Variants in YBX2 observed in about 807,000 individuals in gnomAD.
The protein encoded by YBX2 is Y-box binding protein 2.
YBX2 carries 5 observed loss-of-function variants against 44.4 expected under a neutral mutation model. The observed-to-expected ratio is 0.11, with a 90% CI of 0.06 to 0.24. YBX2 has a LOEUF of 0.24. Among genes scored for constraint, YBX2 ranks in the 10% least tolerant of loss-of-function variants. The pLI is 1.00. For synonymous variants in YBX2, 188 were observed against 216.1 expected (o/e 0.87, Z 1.14); for missense variants, 417 against 526.9 (o/e 0.79, Z 2.04).
rs2072488962 is a variant in YBX2, at chr17:7,290,025, T to C, written c.791A>G (p.His264Arg). The C allele has an allele frequency of 6.2e-7, 1 of 1,614,090 alleles. No homozygotes were observed. Among genetic ancestry groups the C allele is most frequent in the Non-Finnish European group, 8.5e-7 (1 of 1,180,036 alleles). The change falls in exon 6 of 9, where the codon CAC (histidine) becomes CGC (arginine). Residue 264 changes from histidine to arginine, a missense_variant. Around this residue, in one of 3 missense-constraint regions of YBX2, gnomAD observed 257 missense variants for 261.7 expected, o/e 0.98. Transcript: ENST00000007699. The stretch of plus-strand genomic sequence containing the variant: ...GACTCGCTCATCTCCCTGCTGTTGG[T>C]GCCCCTCCAATGGGGCTGTCTCTTT... ...EPKETAPLEG[H>R]QQQGDERVPP...
intron 7 of YBX2, among the ~76,000 whole-genome samples, chr17:7,289,173 T>C (rs2072477759): frequency 6.6e-6 from 1 of 152,178 alleles, no homozygotes; most frequent in African/African-American, 2.4e-5. Flanking sequence ...AGACTTGTTC[T>C]TCAGGGCCCT....
Position 7,290,273 on chromosome 17 carries a change from G to C in YBX2, c.722C>G (p.Pro241Arg), listed in dbSNP as rs2072491173. ...RRRFVRGPRP[P>R]NQQQPIEGTD... ...CACCTCTATAGGCTGCTGCTGGTTG[G>C]GAGGCCGGGGGCCTCGCACAAACCG... Residue 241 changes from proline to arginine, a missense_variant, in exon 5 of 9, where the codon CCC becomes CGC. Coordinates refer to ENST00000007699, the MANE Select transcript of YBX2 (RefSeq NM_015982.4). The C allele has an allele frequency of 3.1e-6, 5 of 1,612,904 alleles. No homozygotes were observed. The South Asian group carries it at 5.5e-5, about 18-fold the overall frequency.
chr17:7,289,549 C>CGGGGGCCAGGGGCCTGCT lies in YBX2; in HGVS notation c.1007_1024dup (p.Gln336_Pro341dup), dbSNP rs533432910. The CGGGGGCCAGGGGCCTGCT allele has an allele frequency of 5.9e-4, 952 of 1,607,828 alleles. 3 individuals carry two copies. In the African/African-American group the frequency reaches 0.01, roughly 18 times the overall value. ...CCTCACCTCAGGGGCTGCGGGCTGC[C>CGGGGGCCAGGGGCCTGCT]GGGGGCCAGGGGCCTGCTGGGGGCC... On this transcript the variant is annotated inframe_insertion, in exon 7 of 9. Transcript: ENST00000007699.
chr17:7,288,888 C>G (rs1567603906), intron 7 of YBX2, 50 bp from the exon 8 acceptor site: 3 of 1,610,272 alleles, frequency 1.9e-6, no homozygotes, highest in East Asian at 4.5e-5. Flanking sequence ...GTTTTTGAGA[C>G]AGAGTCTCAC....
rs757547098 is a variant in YBX2 at position 7,288,830 on chromosome 17, G to C, written c.1053C>G (p.Ala351=). 2.5e-6 allele frequency: 4 copies of C among 1,613,754 alleles called. No homozygotes were observed. The highest frequency in any genetic ancestry group is 3.4e-6 in the Non-Finnish European group (4 of 1,179,858). The stretch of plus-strand genomic sequence containing the variant: ...TGGTGGGGTCCCCACTGTTGACAGG[G>C]GCTGAGGTCTAAAGAACAGCGGTGG... ...PRQPAAPETS[A]PVNSGDPTTT... is the part of the protein sequence containing the mutation. The change falls in exon 8 of 9, where the codon GCC becomes GCG. Residue 351 remains alanine, a synonymous_variant. Transcript: ENST00000007699.
Position 7,290,524 on chromosome 17 carries a change from G to A in YBX2, c.471C>T (p.Ala157=), listed in dbSNP as rs1232338356. The change falls in exon 5 of 9, where the codon GCC becomes GCT. Residue 157 remains alanine (A), a synonymous_variant. Transcript: ENST00000007699. Reference sequence around the variant, plus strand: ...CTCCCCCAGGCCCAGTTACATTAGTGGCTTCTGCGCCCTGGGAAGGTGGTA... The same window carrying A: ...CTCCCCCAGGCCCAGTTACATTAGTAGCTTCTGCGCCCTGGGAAGGTGGTA... ...DVVEGEKGAE[A]TNVTGPGGVP... is the part of the protein sequence containing the mutation. 1 of 1,611,866 alleles carries A rather than the reference G, an allele frequency of 6.2e-7. No individual in the cohort carries two copies. The highest frequency in any genetic ancestry group is 2.2e-5 in the East Asian group (1 of 44,796).
rs941201641 is a variant in YBX2, at chr17:7,288,917, C to T, written c.1045-79G>A. The T allele has an allele frequency of 6.4e-6, 10 of 1,561,570 alleles. No homozygotes were observed. The Admixed American group carries it at 1.0e-4, about 16-fold the overall frequency. On this transcript the variant is annotated intron_variant, in intron 7 of 8. Transcript: ENST00000007699. ...GTCTCACTCCAGGTTGGATGGAGTA[C>T]AGTGGCGTGATCTTGGCTCACTGCA...
In YBX2 at chr17:7,290,425, A is replaced by C; in HGVS notation, c.570T>G (p.Val190=). 6.2e-7 allele frequency: 1 copy of C among 1,613,854 alleles called. No individual in the cohort carries two copies. ...TCTCTGCCACCATGGGTGGTGGGGC[A>C]ACTGAGGGAGGCCGGGGGATGAATC... The part of the protein sequence containing the change: ...SRRFIPRPPS[V]APPPMVAEIP... The change falls in exon 5 of 9, where the codon GTT becomes GTG. Residue 190 remains valine (V), a synonymous_variant. Coordinates refer to ENST00000007699, the MANE Select transcript of YBX2 (RefSeq NM_015982.4).
chr17:7,293,891 G>C (rs2072519292), intron 1 of YBX2: 1 of 516,152 alleles, frequency 1.9e-6, no homozygotes, highest in African/African-American at 1.9e-5. Context: ...CCAATGCAAG[G>C]GTCCCCAGTG....
rs139586673 is a variant in YBX2, at chr17:7,290,949, A to C, written c.459+144T>G. On this transcript the variant is annotated intron_variant, in intron 4 of 8. Transcript: ENST00000007699. ...ACATCCCTTAGCCCTAGCATTAAGG[A>C]AGAGGACATCAGGGTGAGAGAACAC... 20 of 847,550 alleles carry C rather than the reference A, an allele frequency of 2.4e-5. No individual in the cohort carries two copies. The East Asian group carries it at 4.9e-4, about 21-fold the overall frequency. 52.5% of individuals were successfully genotyped at this position (847,550 alleles called of 1,614,324 possible).
intron 2 of YBX2, chr17:7,292,287 G>C: frequency 1.8e-6 from 1 of 564,062 alleles, no homozygotes; most frequent in Non-Finnish European, 3.2e-6. Flanking sequence ...GACTTCACAA[G>C]GAAAGGGCAG....
intron 1 of YBX2, 77 bp from the exon 2 acceptor site, chr17:7,293,615 A>G: frequency 2.5e-6 from 4 of 1,607,000 alleles, no homozygotes; most frequent in South Asian, 1.1e-5. Flanking sequence ...AGACACTCCA[A>G]AACAAAAAAA....
chr17:7,294,217 G>A lies in YBX2; in HGVS notation c.271+13C>T. 1 of 1,266,172 alleles carries A rather than the reference G, an allele frequency of 7.9e-7. No homozygotes were observed. The highest frequency in any genetic ancestry group is 9.9e-7 in the Non-Finnish European group (1 of 1,011,096). The allele number at this position is 1,266,172 out of a possible 1,614,324, so 78.4% of individuals were successfully genotyped here. ...GACCCCTCAGAGCCGCCCTGTGCGC[G>A]CCTGCCCCTCACCCAGCACCGGCTT... is the stretch of plus-strand genomic sequence containing the variant. On this transcript the variant is annotated intron_variant, in intron 1 of 8. Coordinates refer to ENST00000007699, the MANE Select transcript of YBX2 (RefSeq NM_015982.4). The surrounding 1 kb of genome is among the most constrained non-coding windows in gnomAD (Gnocchi z 4.6).
chr17:7,292,341 C>A (rs980260830), intron 2 of YBX2: 13 of 456,882 alleles, frequency 2.8e-5, no homozygotes, highest in African/African-American at 2.4e-4. Flanking sequence ...GACAGCTCTG[C>A]CCCTGCCGGG....
At position 7,291,799 on chromosome 17, in the gene YBX2, C is replaced by A; in HGVS notation, c.369+227G>T. ...TGCTTCCTGGAGTGTTAACAGGTCC[C>A]GGTGGGTAGTAAGCGTGCCATGCCC... On this transcript the variant is annotated intron_variant, in intron 3 of 8. Coordinates refer to ENST00000007699, the MANE Select transcript of YBX2 (RefSeq NM_015982.4). This position sits in a 1 kb window ranked among gnomAD's most constrained non-coding sequence, Gnocchi z 5.8. The A allele has an allele frequency of 1.7e-6, 1 of 586,034 alleles. No homozygotes were observed. 36.3% of individuals were successfully genotyped at this position (586,034 alleles called of 1,614,324 possible).
intron 1 of YBX2, 139 bp from the exon 2 acceptor site, chr17:7,293,677 G>T (rs896138482): frequency 1.1e-5 from 16 of 1,506,828 alleles, no homozygotes; most frequent in Non-Finnish European, 1.4e-5. Flanking sequence ...AGCCAACCAG[G>T]TTTCACTAGT....
At chr17:7,290,663 A>T in intron 4 of YBX2, 128 bp from the exon 5 acceptor site, 1 of 1,134,718 alleles carries the variant, frequency 8.8e-7, no homozygotes, top group Non-Finnish European at 1.2e-6. Context: ...ACTTCTTTCT[A>T]CCCTCCCTGG....
chr17:7,289,652 G>A lies in YBX2; in HGVS notation c.922C>T (p.Pro308Ser). 6.2e-7 allele frequency: 1 copy of A among 1,614,108 alleles called. No homozygotes were observed. The highest frequency in any genetic ancestry group is 8.5e-7 in the Non-Finnish European group (1 of 1,179,994). ...GDGETKPSQG[P>S]ADGSRPEPQR... ...GGCTCAGGCCGGGAACCATCAGCGG[G>A]ACCTTGGCTGGGCTTGGTCTCACCA... is the stretch of plus-strand genomic sequence containing the variant. Residue 308 changes from proline to serine, a missense_variant, in exon 7 of 9, where the codon CCC (proline) becomes TCC (serine). Around this residue, in one of 3 missense-constraint regions of YBX2, gnomAD observed 257 missense variants for 261.7 expected, o/e 0.98. Transcript: ENST00000007699.
At chr17:7,292,949 C>A in intron 2 of YBX2, 1 of 181,256 alleles carries the variant, frequency 5.5e-6, no homozygotes, top group Non-Finnish European at 1.2e-5. Context: ...CACAGCCTCT[C>A]CCGGTGCTGA....
Sources: allele counts gnomAD v4.1 joint callset (sites outside exome capture counted in the v4.1 genomes callset), GRCh38; gene constraint gnomAD v4.1.1; regional missense constraint gnomAD v4.1.1; non-coding constraint Gnocchi (gnomAD v3.1); transcripts MANE v1.5; gene names NCBI Gene and HGNC (gene_info 2026-07-23, HGNC 2026-07-21).